Variants in MAP2 observed in about 807,000 individuals in gnomAD.
MAP2 encodes the protein microtubule associated protein 2.
In MAP2, 14 loss-of-function variants were observed where a neutral mutation model predicts 137.6. The ratio of observed to expected loss-of-function variants is 0.10; its 90% CI spans 0.07 to 0.16. MAP2 has a LOEUF of 0.16. MAP2 is among the 10% of genes least tolerant of loss of function. The pLI, the probability that MAP2 is intolerant of heterozygous loss-of-function variation, is 1.00. For synonymous variants in MAP2, 786 were observed against 782.3 expected (o/e 1.00, Z -0.08); for missense variants, 2,088 against 2,191.5 (o/e 0.95, Z 0.94).
intron 12 of MAP2, among the ~76,000 whole-genome samples, chr2:209,706,715 A>T (rs56659802): frequency 0.092 from 14,007 of 152,096 alleles, 819 homozygotes; most frequent in East Asian, 0.22. Context: ...GTCATTTAAG[A>T]ACCATTTTAA....
At chr2:209,593,630 A>AT (rs1197831337) in intron 3 of MAP2, among the ~76,000 whole-genome samples, 1 of 63,236 alleles carries the variant, frequency 1.6e-5, no homozygotes, top group East Asian at 4.2e-4. Flanking sequence ...AAAAAAAAAA[A>AT]AAAAATATAT....
chr2:209,594,680 T>G (rs2080763311), intron 3 of MAP2, among the ~76,000 whole-genome samples: 1 of 152,204 alleles, frequency 6.6e-6, no homozygotes, highest in South Asian at 2.1e-4. Context: ...TATTTCATAT[T>G]TTTTACTCTG....
chr2:209,700,454 A>G, intron 11 of MAP2, 116 bp downstream of exon 11: 1 of 802,816 alleles, frequency 1.2e-6, no homozygotes, highest in Non-Finnish European at 2.0e-6. Context: ...CACTTTAAAT[A>G]GTTCGCTCAC....
chr2:209,538,465 T>C (rs1453321762), intron 2 of MAP2, among the ~76,000 whole-genome samples: 1 of 152,120 alleles, frequency 6.6e-6, no homozygotes, highest in African/African-American at 2.4e-5. Context: ...TCTGCTATTT[T>C]TTTTTCATCA....
intron 3 of MAP2, among the ~76,000 whole-genome samples, chr2:209,619,002 A>C (rs2090360738): frequency 6.6e-6 from 1 of 152,234 alleles, no homozygotes. Flanking sequence ...ACATTATGTT[A>C]CATGAAATAA....
chr2:209,717,633 T>A (rs1451999199), intron 13 of MAP2, among the ~76,000 whole-genome samples: 1 of 152,190 alleles, frequency 6.6e-6, no homozygotes, highest in Non-Finnish European at 1.5e-5. Flanking sequence ...GAAGGTCTAC[T>A]GGGTGCTATT....
chr2:209,447,543 AG>A (rs1699360189), intron 1 of MAP2, among the ~76,000 whole-genome samples: 1 of 152,050 alleles, frequency 6.6e-6, no homozygotes, highest in Non-Finnish European at 1.5e-5. Flanking sequence ...AAATTTGAGT[AG>A]CCAGCAAAAG....
chr2:209,448,620 G>C (rs1699638638), intron 1 of MAP2, among the ~76,000 whole-genome samples: 1 of 152,074 alleles, frequency 6.6e-6, no homozygotes, highest in Non-Finnish European at 1.5e-5. Context: ...CCCATTCCTT[G>C]CCTCTTCTAA....
intron 2 of MAP2, among the ~76,000 whole-genome samples, chr2:209,517,412 T>A (rs1397830274): frequency 6.6e-6 from 1 of 152,120 alleles, no homozygotes; most frequent in East Asian, 1.9e-4. Flanking sequence ...TCATGTGTTT[T>A]GTCACCACAA....
intron 7 of MAP2, chr2:209,690,599 TAAG>T: frequency 1.6e-6 from 2 of 1,277,598 alleles, no homozygotes; most frequent in Non-Finnish European, 2.0e-6. Flanking sequence ...TTTTCATCCC[TAAG>T]AAGAAGAAAC....
chr2:209,717,304 G>C (rs2068077606), intron 13 of MAP2, among the ~76,000 whole-genome samples: 1 of 152,082 alleles, frequency 6.6e-6, no homozygotes, highest in African/African-American at 2.4e-5. Context: ...TGCTTTAAGG[G>C]AAAGCAGTTC....
intron 2 of MAP2, among the ~76,000 whole-genome samples, chr2:209,566,246 C>T (rs2153362745): frequency 6.6e-6 from 1 of 152,314 alleles, no homozygotes; most frequent in East Asian, 1.9e-4. Context: ...CTGTCACGGA[C>T]TTGCTGTATC....
At chr2:209,555,285 A>G (rs2153319569) in intron 2 of MAP2, among the ~76,000 whole-genome samples, 1 of 152,316 alleles carries the variant, frequency 6.6e-6, no homozygotes, top group African/African-American at 2.4e-5. Flanking sequence ...GATTTATTAC[A>G]CTTAAAAAAT....
chr2:209,585,405 AT>A (rs2077453783), intron 3 of MAP2, among the ~76,000 whole-genome samples: 1 of 152,180 alleles, frequency 6.6e-6, no homozygotes, highest in South Asian at 2.1e-4. Flanking sequence ...TATAAAAACA[AT>A]AAATCCACAT....
chr2:209,434,277 C>T (rs988169271), intron 1 of MAP2, among the ~76,000 whole-genome samples: 1 of 151,760 alleles, frequency 6.6e-6, no homozygotes, highest in Non-Finnish European at 1.5e-5. Flanking sequence ...GAGCTGTTTA[C>T]TTTTTTCCTA....
chr2:209,719,828 TC>T (rs1459834690), intron 13 of MAP2, among the ~76,000 whole-genome samples: 4 of 152,212 alleles, frequency 2.6e-5, no homozygotes, highest in Admixed American at 2.0e-4. Flanking sequence ...CTTATACAAC[TC>T]TTCATGCTAT....
intron 1 of MAP2, among the ~76,000 whole-genome samples, chr2:209,438,573 C>A (rs1354780767): frequency 1.3e-5 from 2 of 151,490 alleles, no homozygotes; most frequent in Non-Finnish European, 3.0e-5. Context: ...ATATTATGCA[C>A]CTTCTTAAAC....
At chr2:209,601,274 TTC>T (rs1053694247) in intron 3 of MAP2, among the ~76,000 whole-genome samples, 4 of 152,210 alleles carry the variant, frequency 2.6e-5, no homozygotes, top group African/African-American at 9.6e-5. Flanking sequence ...TCAGTTTTTA[TTC>T]TTTTTTCTTT....
intron 5 of MAP2, among the ~76,000 whole-genome samples, chr2:209,677,241 C>G (rs1029744699): frequency 2.6e-5 from 4 of 151,834 alleles, no homozygotes; most frequent in Non-Finnish European, 4.4e-5. Flanking sequence ...TATTCCAACA[C>G]TAAAACAAAT....
Sources: gnomAD v4.1 joint callset for allele counts (sites outside exome capture counted in the v4.1 genomes callset) on GRCh38, gnomAD v4.1.1 for gene constraint, MANE v1.5 for transcripts, NCBI Gene and HGNC (gene_info 2026-07-23, HGNC 2026-07-21) for gene names.